MYB: variants seen among roughly 807,000 people sequenced by gnomAD.
MYB encodes transcriptional activator Myb.
MYB carries 28 observed loss-of-function variants against 92.9 expected under a neutral mutation model. That is an observed-to-expected ratio of 0.30 (90% CI 0.22 to 0.41). MYB has a LOEUF of 0.41. Among genes scored for constraint, MYB ranks in the 10% least tolerant of loss-of-function variants. The probability of loss-of-function intolerance (pLI) is 1.00; values close to 1 mark genes in which losing one functional copy is unlikely to be tolerated. For synonymous variants in MYB, 295 were observed against 329.1 expected (o/e 0.90, Z 1.12); for missense variants, 679 against 929.3 (o/e 0.73, Z 3.50).
rs753515419 is a variant in MYB, at chr6:135,217,964, G to A, written c.2270G>A (p.Arg757Gln). ...AAATACGTGAATGCATTCTCAGCCC[G>A]GACGCTGGTCATGTGAGACATTTCC... ...ARKYVNAFSA[R>Q]TLVM Residue 757 changes from arginine (R) to glutamine (Q), a missense_variant, in exon 16 of 16, where the codon CGG becomes CAG. Transcript: ENST00000341911. The A allele has an allele frequency of 3.4e-5, 55 of 1,607,720 alleles. No individual in the cohort carries two copies. Among genetic ancestry groups the A allele is most frequent in the Non-Finnish European group, 4.3e-5 (50 of 1,174,446 alleles).
intron 3 of MYB, among the ~76,000 whole-genome samples, chr6:135,188,982 A>G (rs1562366769): frequency 6.6e-6 from 1 of 152,186 alleles, no homozygotes; most frequent in Non-Finnish European, 1.5e-5. Context: ...TTACAGCTCC[A>G]GTTCTGTTTC....
At chr6:135,203,388 G>GTGT (rs758446400) in intron 15 of MYB, 64 bp downstream of exon 15, 7 of 1,243,868 alleles carry the variant, frequency 5.6e-6, no homozygotes, top group Non-Finnish European at 7.0e-6. Context: ...ATCTTTGGTG[G>GTGT]TGGTGGTGGT....
intron 1 of MYB, among the ~76,000 whole-genome samples, chr6:135,183,321 G>T (rs1230924123): frequency 2.6e-5 from 4 of 152,122 alleles, no homozygotes; most frequent in Non-Finnish European, 5.9e-5. Context: ...GAACCCCTCC[G>T]AATCACAGTA....
chr6:135,199,188 A>C, intron 11 of MYB, 138 bp downstream of exon 11: 1 of 688,872 alleles, frequency 1.5e-6, no homozygotes, highest in Non-Finnish European at 2.3e-6. Context: ...GTCTATTCCC[A>C]CATTGAATAT....
Position 135,198,963 on chromosome 6 carries a change from C to A in MYB, c.1622C>A (p.Thr541Asn). 1 of 1,611,458 alleles carries A rather than the reference C, an allele frequency of 6.2e-7. No homozygotes were observed. The highest frequency in any genetic ancestry group is 1.1e-5 in the South Asian group (1 of 90,980). ...ENSDLEMPSL[T>N]STPLIGHKLT... Reference sequence around the variant, plus strand: ...TCAGACTTGGAAATGCCTTCTTTAACTTCCACCCCCCTCATTGGTCACAAA... The same window carrying A: ...TCAGACTTGGAAATGCCTTCTTTAAATTCCACCCCCCTCATTGGTCACAAA... Residue 541 changes from threonine to asparagine, a missense_variant, in exon 11 of 16, where the codon ACT (threonine) becomes AAT (asparagine). Thr to Asn is a moderately conservative substitution (Grantham distance 65). Transcript: ENST00000341911.
intron 15 of MYB, among the ~76,000 whole-genome samples, chr6:135,206,919 A>G (rs569333994): frequency 7.2e-5 from 11 of 152,342 alleles, no homozygotes; most frequent in African/African-American, 2.6e-4. Context: ...GACTATTGTG[A>G]TAAGTATTGG....
intron 10 of MYB, among the ~76,000 whole-genome samples, chr6:135,198,319 AT>A (rs1170820734): frequency 6.6e-6 from 1 of 152,202 alleles, no homozygotes; most frequent in Non-Finnish European, 1.5e-5. Context: ...TCTCAGAGTT[AT>A]TAATATGCCG....
rs6936609 is a variant in MYB at position 135,184,817 on chromosome 6, G to A, written c.24-1086G>A. On this transcript the variant is annotated intron_variant, in intron 1 of 15. Transcript: ENST00000341911. ...CCCAACATTGCAATGACAAATTTTA[G>A]TGAAGTTTCTAAGATAGTATTTTTC... Among the ~76,000 whole-genome samples the A allele has an allele frequency of 5.7e-3, 862 of 152,146 alleles. 7 individuals carry two copies. Among genetic ancestry groups the A allele is most frequent in the African/African-American group, 0.02 (824 of 41,516 alleles).
chr6:135,188,643 G>A (rs1046586941), intron 3 of MYB, among the ~76,000 whole-genome samples: 1 of 151,740 alleles, frequency 6.6e-6, no homozygotes, highest in African/African-American at 2.4e-5. Flanking sequence ...CTTAGTAGAT[G>A]GGATCACAGG....
In MYB at chr6:135,213,365, A is replaced by G. The variant is rs911078582; in HGVS notation, c.2170-4499A>G. ...AAAGGTCTCTCAGAACTCTAATTACAAATATATGGTACCTTCTTTATATTG... is the reference window on the plus strand; with the variant it reads ...AAAGGTCTCTCAGAACTCTAATTACGAATATATGGTACCTTCTTTATATTG... On this transcript the variant is annotated intron_variant, in intron 15 of 15. Transcript: ENST00000341911. Among the ~76,000 whole-genome samples the G allele has an allele frequency of 3.3e-5, 5 of 152,318 alleles. No homozygotes were observed. The South Asian group carries it at 1.0e-3, about 32-fold the overall frequency.
chr6:135,188,190 G>C (rs141140896), intron 3 of MYB, among the ~76,000 whole-genome samples: 288 of 152,080 alleles, frequency 1.9e-3, no homozygotes, highest in African/African-American at 6.8e-3. Context: ...TTGATGATTT[G>C]TTACATGGTA....
Position 135,201,723 on chromosome 6 carries a change from C to A in MYB, c.2035C>A (p.Gln679Lys). 6.6e-7 allele frequency: 1 copy of A among 1,519,544 alleles called. No individual in the cohort carries two copies. The highest frequency in any genetic ancestry group is 2.0e-5 in the Admixed American group (1 of 50,390). The allele number at this position is 1,519,544 out of a possible 1,614,324, so 94.1% of individuals were successfully genotyped here. The change falls in exon 14 of 16, where the codon CAG (glutamine) becomes AAG (lysine). Residue 679 changes from glutamine (Q) to lysine (K), a missense_variant. This residue lies in a region of MYB where 402 missense variants were observed against 434.2 expected (regional missense o/e 0.93). Transcript: ENST00000341911. Reference protein sequence around the residue: ...GDSLNTQLFTQTSPVADAPNI... With the variant: ...GDSLNTQLFTKTSPVADAPNI... The stretch of plus-strand genomic sequence containing the variant: ...CAGTCTGAATACCCAACTGTTCACG[C>A]AGACCTCGCCTGTGGCAGATGCACC...
intron 15 of MYB, among the ~76,000 whole-genome samples, chr6:135,217,034 T>A (rs1259780075): frequency 1.3e-5 from 2 of 152,244 alleles, no homozygotes; most frequent in Non-Finnish European, 2.9e-5. Flanking sequence ...GGCATGGAGA[T>A]GCTGTCCTTA....
Position 135,181,550 on chromosome 6 carries a change from G to C in MYB, c.23+14G>C. The C allele has an allele frequency of 4.3e-6, 5 of 1,162,828 alleles. No homozygotes were observed. The highest frequency in any genetic ancestry group is 5.3e-6 in the Non-Finnish European group (5 of 943,456). The allele number at this position is 1,162,828 out of a possible 1,614,324, so 72.0% of individuals were successfully genotyped here. On this transcript the variant is annotated intron_variant, in intron 1 of 15. Transcript: ENST00000341911. This position sits in a 1 kb window ranked among gnomAD's most constrained non-coding sequence, Gnocchi z 5.3. ...ACCCCGGCACAGGTAACGGGGAGCC[G>C]GGCGGGCGGCCGAGGGCGGGGGCGC...
chr6:135,192,947 C>A (rs746314387), intron 6 of MYB, among the ~76,000 whole-genome samples: 1 of 152,060 alleles, frequency 6.6e-6, no homozygotes, highest in Non-Finnish European at 1.5e-5. Context: ...TCTTCCAAAA[C>A]GAAAAGGGAA....
At position 135,182,606 on chromosome 6, in the gene MYB, C is replaced by G. The variant is rs985488907; in HGVS notation, c.23+1070C>G. On this transcript the variant is annotated intron_variant, in intron 1 of 15. Transcript: ENST00000341911. The surrounding 1 kb of genome is among the most constrained non-coding windows in gnomAD (Gnocchi z 5.6). ...GCGCCTTCTCGCACCCTCCTTCAGC[C>G]GCCTTAGGTCGCCCCGGCCGAGGCG... 1.3e-5 allele frequency among the ~76,000 whole-genome samples: 2 copies of G among 152,162 alleles called. No individual in the cohort carries two copies. The highest frequency in any genetic ancestry group is 4.8e-5 in the African/African-American group (2 of 41,442).
intron 2 of MYB, among the ~76,000 whole-genome samples, chr6:135,187,065 G>A (rs1231416532): frequency 2.0e-5 from 3 of 152,118 alleles, no homozygotes; most frequent in Non-Finnish European, 4.4e-5. Flanking sequence ...TAATTCTTGT[G>A]TCTGTATTGT....
At chr6:135,207,138 A>G (rs891152281) in intron 15 of MYB, among the ~76,000 whole-genome samples, 1 of 152,196 alleles carries the variant, frequency 6.6e-6, no homozygotes, top group African/African-American at 2.4e-5. Context: ...CATATTGCAC[A>G]TTTATTAAAT....
At chr6:135,216,933 C>G (rs1374973539) in intron 15 of MYB, among the ~76,000 whole-genome samples, 1 of 152,150 alleles carries the variant, frequency 6.6e-6, no homozygotes, top group Non-Finnish European at 1.5e-5. Context: ...CATTCTCGAG[C>G]CTGTCTAGAG....
Sources: allele counts gnomAD v4.1 joint callset (sites outside exome capture counted in the v4.1 genomes callset), GRCh38; gene constraint gnomAD v4.1.1; regional missense constraint gnomAD v4.1.1; non-coding constraint Gnocchi (gnomAD v3.1); transcripts MANE v1.5; gene names NCBI Gene and HGNC (gene_info 2026-07-23, HGNC 2026-07-21).